Variants in FOXN3 observed in about 807,000 individuals in gnomAD.
The protein encoded by FOXN3 is forkhead box protein N3.
In FOXN3, 7 loss-of-function variants were observed where a neutral mutation model predicts 38.4. The ratio of observed to expected loss-of-function variants is 0.18; its 90% CI spans 0.10 to 0.34. The LOEUF (loss-of-function observed/expected upper bound fraction) is 0.34. FOXN3 is among the 10% of genes least tolerant of loss of function. The pLI, the probability that FOXN3 is intolerant of heterozygous loss-of-function variation, is 1.00. For synonymous variants in FOXN3, 230 were observed against 242.2 expected, an observed-to-expected ratio of 0.95 and a Z score of 0.47; for missense variants, 456 against 613.4, an observed-to-expected ratio of 0.74 and a Z score of 2.71.
intron 3 of FOXN3, among the ~76,000 whole-genome samples, chr14:89,297,384 A>G (rs1887073927): frequency 6.6e-6 from 1 of 151,876 alleles, no homozygotes; most frequent in Admixed American, 6.6e-5. Context: ...AACACGGTGA[A>G]ACCCTCTACT....
At chr14:89,440,819 GTGCGTTCAACCCCTGTCAACC>G in intron 1 of FOXN3, among the ~76,000 whole-genome samples, 1 of 152,220 alleles carries the variant, frequency 6.6e-6, no homozygotes, top group Admixed American at 6.5e-5. Context: ...CTGCAAAGCA[GTGCGTTCAACCCCTGTCAACC>G]TGTCAATGGG....
Position 89,410,847 on chromosome 14 carries a change from T to C in FOXN3, c.543+1087A>G, listed in dbSNP as rs189896431. 1.7e-3 allele frequency among the ~76,000 whole-genome samples: 255 copies of C among 149,220 alleles called. 2 individuals carry two copies. The highest frequency in any genetic ancestry group is 5.9e-3 in the African/African-American group (238 of 40,342). On this transcript the variant is annotated intron_variant, in intron 2 of 5. Transcript: ENST00000557258. The stretch of plus-strand genomic sequence containing the variant: ...GTGATCACACCATTGCACTCCAGCC[T>C]GGGTGACAGAGCAAGACCCTGGTCC...
rs140257053 is a variant in FOXN3 at position 89,180,915 on chromosome 14, G to GGCAGAGAACATACATGGA, written c.746-110_746-109insTCCATGTATGTTCTCTGC. On this transcript the variant is annotated intron_variant, in intron 4 of 5. Transcript: ENST00000557258. ...CAATAAGAGAGAGAGAGAGACAGAGGGCAGAGACAGAGAGAAACACACACA... is the reference window on the plus strand; with the variant it reads ...CAATAAGAGAGAGAGAGAGACAGAGGGCAGAGAACATACATGGAGCAGAGACAGAGAGAAACACACACA... 1.7e-5 allele frequency: 12 copies of GGCAGAGAACATACATGGA among 694,924 alleles called. No homozygotes were observed. The Admixed American group carries it at 1.9e-4, about 11-fold the overall frequency. The allele number at this position is 694,924 out of a possible 1,614,324, so 43.0% of individuals were successfully genotyped here. A position where few individuals can be genotyped will look rare whatever the true frequency, so the allele number is the denominator to read the frequency against.
rs78964863 is a variant in FOXN3 at position 89,305,394 on chromosome 14, C to G, written c.681-24380G>C. ...ACCCGATGAGTTTCAGTACCATGAG[C>G]AGATGACATGTGACCCAAGTACGAA... is the stretch of plus-strand genomic sequence containing the variant. On this transcript the variant is annotated intron_variant, in intron 3 of 5. Coordinates refer to ENST00000557258, the MANE Select transcript of FOXN3 (RefSeq NM_005197.4). Among the ~76,000 whole-genome samples, 139 of 152,326 alleles carry G rather than the reference C, an allele frequency of 9.1e-4. 1 individual carries two copies. In the East Asian group the frequency reaches 0.024, roughly 26 times the overall value.
intron 2 of FOXN3, among the ~76,000 whole-genome samples, chr14:89,354,692 T>C (rs1889134203): frequency 6.6e-6 from 1 of 151,314 alleles, no homozygotes; most frequent in African/African-American, 2.4e-5. Context: ...CCATCTCTAC[T>C]AAAAATACCA....
chr14:89,373,542 C>T (rs1890385746), intron 2 of FOXN3, among the ~76,000 whole-genome samples: 1 of 152,196 alleles, frequency 6.6e-6, no homozygotes, highest in African/African-American at 2.4e-5. Flanking sequence ...CTTTCCCATA[C>T]AGCACAAAGC....
chr14:89,340,995 T>G (rs1297831371), intron 3 of FOXN3, among the ~76,000 whole-genome samples: 1 of 152,104 alleles, frequency 6.6e-6, no homozygotes, highest in Non-Finnish European at 1.5e-5. Context: ...ATTTCCACCT[T>G]ATAAACTACA....
Position 89,445,799 on chromosome 14 carries a change from G to A in FOXN3, c.-14-33309C>T, listed in dbSNP as rs113859466. Among the ~76,000 whole-genome samples, 261 of 152,234 alleles carry A rather than the reference G, an allele frequency of 1.7e-3. 1 individual carries two copies. The highest frequency in any genetic ancestry group is 6.2e-3 in the African/African-American group (257 of 41,544). Reference sequence around the variant, plus strand: ...GTCTCACCACAAGTTTAAGGAAGATGGCTGAGCATGGTGGCTCACACCTAT... The same window carrying A: ...GTCTCACCACAAGTTTAAGGAAGATAGCTGAGCATGGTGGCTCACACCTAT... On this transcript the variant is annotated intron_variant, in intron 1 of 6. Coordinates refer to the FOXN3 transcript ENST00000345097.
chr14:89,247,217 A>G (rs73323136), intron 4 of FOXN3, among the ~76,000 whole-genome samples: 148 of 152,344 alleles, frequency 9.7e-4, no homozygotes, highest in African/African-American at 3.3e-3. Context: ...TGTAAATTGC[A>G]AAGTGTAACA....
intron 1 of FOXN3, among the ~76,000 whole-genome samples, chr14:89,507,273 G>C (rs1893962549): frequency 6.6e-6 from 1 of 152,174 alleles, no homozygotes; most frequent in Non-Finnish European, 1.5e-5. Flanking sequence ...AGTAAGCATT[G>C]GGCTAATCTG....
intron 4 of FOXN3, among the ~76,000 whole-genome samples, chr14:89,205,062 G>T (rs1041160026): frequency 2.1e-5 from 3 of 145,770 alleles, no homozygotes; most frequent in African/African-American, 5.6e-5. Flanking sequence ...TTCTAGAATG[G>T]TTATTAAGAA....
chr14:89,468,536 G>A (rs531683307), intron 1 of FOXN3, among the ~76,000 whole-genome samples: 2 of 152,238 alleles, frequency 1.3e-5, no homozygotes, highest in East Asian at 3.9e-4. Context: ...ACTACAGTAT[G>A]ATCTTGAGCA....
chr14:89,168,689 T>C (rs1312604280), intron 5 of FOXN3, among the ~76,000 whole-genome samples: 1 of 152,158 alleles, frequency 6.6e-6, no homozygotes. Flanking sequence ...ATGGAGAAGA[T>C]TCAATACTTG....
intron 1 of FOXN3, among the ~76,000 whole-genome samples, chr14:89,560,757 T>A (rs1197190320): frequency 2.6e-5 from 4 of 152,226 alleles, no homozygotes; most frequent in African/African-American, 9.6e-5. Context: ...GTTACTAGCA[T>A]AAGCACTTTA....
At chr14:89,608,247 C>T (rs1166135787) in intron 1 of FOXN3, among the ~76,000 whole-genome samples, 3 of 152,264 alleles carry the variant, frequency 2.0e-5, no homozygotes, top group South Asian at 2.1e-4. Flanking sequence ...CTGCCCACCT[C>T]GGCCTCCCAA....
Position 89,315,859 on chromosome 14 carries a change from G to C in FOXN3, c.680+34813C>G, listed in dbSNP as rs186896070. On this transcript the variant is annotated intron_variant, in intron 3 of 5. Coordinates refer to ENST00000557258, the MANE Select transcript of FOXN3 (RefSeq NM_005197.4). ...TTATGTGTAGCTGCTGGTCACAGAG[G>C]GAAGTGGGGCTAAAGGGGCCCATGC... Among the ~76,000 whole-genome samples the C allele has an allele frequency of 4.3e-3, 657 of 152,272 alleles. 3 individuals carry two copies. Among genetic ancestry groups the C allele is most frequent in the African/African-American group, 0.015 (618 of 41,554 alleles).
intron 4 of FOXN3, among the ~76,000 whole-genome samples, chr14:89,271,471 G>C (rs1050893660): frequency 6.6e-6 from 1 of 152,118 alleles, no homozygotes; most frequent in African/African-American, 2.4e-5. Flanking sequence ...ATTTTTAAAT[G>C]CTCAAAAATT....
chr14:89,283,503 G>A (rs1171466433), intron 3 of FOXN3, among the ~76,000 whole-genome samples: 1 of 152,164 alleles, frequency 6.6e-6, no homozygotes, highest in Non-Finnish European at 1.5e-5. Flanking sequence ...CATAGTACAT[G>A]AAATTACTTA....
At chr14:89,416,317 T>G (rs1891722970) in intron 1 of FOXN3, among the ~76,000 whole-genome samples, 1 of 152,232 alleles carries the variant, frequency 6.6e-6, no homozygotes, top group Non-Finnish European at 1.5e-5. Context: ...GCCGGTCAGA[T>G]GTCATAAACC....
Sources: allele counts gnomAD v4.1 joint callset (sites outside exome capture counted in the v4.1 genomes callset), GRCh38; gene constraint gnomAD v4.1.1; transcripts MANE v1.5; gene names NCBI Gene and HGNC (gene_info 2026-07-23, HGNC 2026-07-21).